The following MYO10 variants were observed in gnomAD, a reference collection of about 807,000 sequenced individuals.
MYO10 encodes the protein unconventional myosin-X.
In MYO10, 133 loss-of-function variants were observed where a neutral mutation model predicts 257.3. The ratio of observed to expected loss-of-function variants is 0.52; its 90% CI spans 0.45 to 0.60. The LOEUF (loss-of-function observed/expected upper bound fraction) is 0.60, where lower values mean the gene tolerates loss of function less well. MYO10 is among the 20% of genes least tolerant of loss of function. MYO10 has a pLI of 0.00. For missense variants in MYO10, 2,399 were observed against 2,635.7 expected (o/e 0.91, Z 1.97); for synonymous variants, 1,104 against 1,028.6 (o/e 1.07, Z -1.40).
intron 1 of MYO10, among the ~76,000 whole-genome samples, chr5:16,888,805 G>GGA (rs1744963611): frequency 6.6e-6 from 1 of 150,928 alleles, no homozygotes; most frequent in Admixed American, 6.6e-5. Flanking sequence ...AAAGCACAGA[G>GGA]GTAAACTATG....
intron 1 of MYO10, among the ~76,000 whole-genome samples, chr5:16,933,555 T>C (rs142456090): frequency 9.2e-5 from 14 of 152,332 alleles, no homozygotes; most frequent in African/African-American, 3.1e-4. Context: ...GACAGAATTC[T>C]ACTTAGTGAT....
rs770600841 is a variant in MYO10 at position 16,780,543 on chromosome 5, C to T, written c.807G>A (p.Gly269=). Residue 269 remains glycine (G), a synonymous_variant, in exon 8 of 41, where the codon GGG becomes GGA. Coordinates refer to ENST00000513610, the MANE Select transcript of MYO10 (RefSeq NM_012334.3). The stretch of plus-strand genomic sequence containing the variant: ...ACTCACCTCTTTCTTCATGTTCCAG[C>T]CCTGCCAGCAGTGCATAAAATATGT... ...NYHIFYALLA[G]LEHEEREEFY... 1.3e-5 allele frequency: 20 copies of T among 1,582,652 alleles called. No homozygotes were observed. In the Admixed American group the frequency reaches 3.4e-4, roughly 27 times the overall value.
chr5:16,802,595 T>A (rs1380191346), intron 3 of MYO10, among the ~76,000 whole-genome samples: 2 of 147,104 alleles, frequency 1.4e-5, no homozygotes, highest in Admixed American at 1.4e-4. Flanking sequence ...AGGCAGAGCT[T>A]GCAGTGAGCT....
At chr5:16,878,434 G>A (rs908811242) in intron 1 of MYO10, among the ~76,000 whole-genome samples, 1 of 152,158 alleles carries the variant, frequency 6.6e-6, no homozygotes, top group Non-Finnish European at 1.5e-5. Context: ...CAGATCCCAC[G>A]TTTTAAATCT....
chr5:16,789,954 T>A (rs1172790291), intron 4 of MYO10, among the ~76,000 whole-genome samples: 1 of 152,100 alleles, frequency 6.6e-6, no homozygotes, highest in Non-Finnish European at 1.5e-5. Flanking sequence ...TACACAAGAA[T>A]AAGTCTTCTC....
intron 33 of MYO10, among the ~76,000 whole-genome samples, chr5:16,677,415 C>A (rs1216438504): frequency 3.0e-5 from 3 of 100,688 alleles, no homozygotes; most frequent in Admixed American, 1.9e-4. Flanking sequence ...GGTAACTTGA[C>A]CTTTTTTTTT....
In MYO10 at chr5:16,673,889, C is replaced by T. The variant is rs1736595381; in HGVS notation, c.4965G>A (p.Arg1655=). 1 of 1,613,520 alleles carries T rather than the reference C, an allele frequency of 6.2e-7. No individual in the cohort carries two copies. The highest frequency in any genetic ancestry group is 8.5e-7 in the Non-Finnish European group (1 of 1,179,682). The part of the protein sequence containing the change: ...ILKYLKFHLK[R]IREQFPGSEM... ...CGCTTCCTGGAAACTGTTCCCGTAT[C>T]CTAGGAGGCAAACACTAACTGTTAA... The change falls in exon 36 of 41, where the codon AGG becomes AGA. Residue 1655 remains arginine, a splice_region_variant and synonymous_variant. Coordinates refer to ENST00000513610, the MANE Select transcript of MYO10 (RefSeq NM_012334.3).
intron 1 of MYO10, among the ~76,000 whole-genome samples, chr5:16,900,875 G>C (rs1322662025): frequency 6.6e-6 from 1 of 151,730 alleles, no homozygotes; most frequent in African/African-American, 2.4e-5. Context: ...GAGTAGCTGG[G>C]ATTACAGGCA....
At position 16,664,515 on chromosome 5, in the gene MYO10, C is replaced by G. The variant is rs1257096941; in HGVS notation, c.*2177G>C. The G allele has an allele frequency of 1.3e-5, 2 of 152,194 alleles. No individual in the cohort carries two copies. The highest frequency in any genetic ancestry group is 2.9e-5 in the Non-Finnish European group (2 of 68,056). 9.4% of individuals were successfully genotyped at this position (152,194 alleles called of 1,614,324 possible). On this transcript the variant is annotated 3_prime_UTR_variant, in exon 41 of 41. Coordinates refer to ENST00000513610, the MANE Select transcript of MYO10 (RefSeq NM_012334.3). The stretch of plus-strand genomic sequence containing the variant: ...CCTGGCTTCAGGTTCCATCCCAATC[C>G]CTGCAGAATGGGAAGAAGCCATCCG...
intron 1 of MYO10, among the ~76,000 whole-genome samples, chr5:16,878,849 C>A (rs12653527): frequency 1.1e-4 from 17 of 151,836 alleles, no homozygotes; most frequent in African/African-American, 4.1e-4. Flanking sequence ...GGGAGGGTGG[C>A]GAAGGATAAA....
intron 19 of MYO10, among the ~76,000 whole-genome samples, chr5:16,734,088 T>G (rs1739691487): frequency 6.7e-6 from 1 of 148,944 alleles, no homozygotes; most frequent in South Asian, 2.2e-4. Flanking sequence ...TTAAGCACAA[T>G]GTTAAAAATA....
At chr5:16,808,013 G>C (rs968564613) in intron 3 of MYO10, among the ~76,000 whole-genome samples, 12 of 152,114 alleles carry the variant, frequency 7.9e-5, no homozygotes, top group Admixed American at 6.5e-5. Flanking sequence ...CACAGAGCCT[G>C]GTACCCAGGC....
Position 16,756,674 on chromosome 5 carries a change from T to G in MYO10, c.1848+1444A>C, listed in dbSNP as rs1307555761. Among the ~76,000 whole-genome samples the G allele has an allele frequency of 7.9e-5, 12 of 152,330 alleles. No individual in the cohort carries two copies. The East Asian group carries it at 2.1e-3, about 27-fold the overall frequency. On this transcript the variant is annotated intron_variant, in intron 18 of 40. Coordinates refer to ENST00000513610, the MANE Select transcript of MYO10 (RefSeq NM_012334.3). ...CCTGTCCGGCTGGTGTTCTACTGTC[T>G]GTTGACAGTCCTCAGAGACAGGACT... is the stretch of plus-strand genomic sequence containing the variant.
At chr5:16,836,187 T>C (rs1368590379) in intron 2 of MYO10, among the ~76,000 whole-genome samples, 6 of 152,172 alleles carry the variant, frequency 3.9e-5, no homozygotes, top group African/African-American at 1.4e-4. Flanking sequence ...AGATTCTTTC[T>C]TTCTGGTGAT....
chr5:16,831,239 G>A (rs753535013), intron 2 of MYO10, among the ~76,000 whole-genome samples: 2 of 152,256 alleles, frequency 1.3e-5, no homozygotes, highest in East Asian at 1.9e-4. Context: ...TCATGGATGC[G>A]GTGAACAGGG....
intron 21 of MYO10, among the ~76,000 whole-genome samples, chr5:16,707,554 C>T (rs987196829): frequency 6.6e-6 from 1 of 152,152 alleles, no homozygotes; most frequent in Non-Finnish European, 1.5e-5. Flanking sequence ...TATAAAAATA[C>T]CTCCTGCATG....
intron 4 of MYO10, among the ~76,000 whole-genome samples, chr5:16,784,536 T>C (rs77401625): frequency 0.02 from 2,974 of 152,254 alleles, 95 homozygotes; most frequent in African/African-American, 0.068. Flanking sequence ...ACCCCATCCA[T>C]CTGGCATATG....
intron 18 of MYO10, among the ~76,000 whole-genome samples, chr5:16,757,301 AACACACACACACACGCACACACACACAC>A (rs1295850195): frequency 6.9e-4 from 58 of 84,386 alleles, no homozygotes; most frequent in East Asian, 2.8e-3. Flanking sequence ...CACACACACA[AACACACACACACACGCACACACACACAC>A]ACACACACAC....
At chr5:16,673,339 C>T (rs1349284374) in intron 36 of MYO10, among the ~76,000 whole-genome samples, 3 of 144,720 alleles carry the variant, frequency 2.1e-5, no homozygotes, top group East Asian at 1.9e-4. Context: ...TAGCTAGTCA[C>T]GTGCAAACAA....
Sources: gnomAD v4.1 joint callset for allele counts (sites outside exome capture counted in the v4.1 genomes callset) on GRCh38, gnomAD v4.1.1 for gene constraint, MANE v1.5 for transcripts, NCBI Gene and HGNC (gene_info 2026-07-23, HGNC 2026-07-21) for gene names.